The following CEP112 variants were observed in gnomAD, a reference collection of about 807,000 sequenced individuals.
The protein encoded by CEP112 is centrosomal protein 112.
CEP112 carries 127 observed loss-of-function variants against 153.0 expected under a neutral mutation model. That is an observed-to-expected ratio of 0.83 (90% CI 0.72 to 0.96). The LOEUF is 0.96. Among genes scored for constraint, CEP112 ranks in the 40% least tolerant of loss-of-function variants. The pLI is 0.00. For synonymous variants in CEP112, 358 were observed against 374.4 expected (o/e 0.96, Z 0.51); for missense variants, 1,089 against 1,101.2 (o/e 0.99, Z 0.16).
intron 23 of CEP112, among the ~76,000 whole-genome samples, chr17:65,700,111 C>T (rs1039464012): frequency 1.3e-5 from 2 of 151,932 alleles, no homozygotes; most frequent in Non-Finnish European, 2.9e-5. Flanking sequence ...TCCTCCTCCT[C>T]CTCCTCCTCC....
intron 21 of CEP112, among the ~76,000 whole-genome samples, chr17:65,850,194 C>T (rs1213137467): frequency 2.0e-5 from 3 of 150,232 alleles, no homozygotes; most frequent in East Asian, 2.0e-4. Context: ...TTCCCTAATT[C>T]CTGAACTGTA....
intron 21 of CEP112, among the ~76,000 whole-genome samples, chr17:65,790,068 T>C (rs1469955993): frequency 6.6e-6 from 1 of 152,182 alleles, no homozygotes; most frequent in Non-Finnish European, 1.5e-5. Flanking sequence ...TAGAAGAAGC[T>C]GGCAGCTTAA....
intron 20 of CEP112, among the ~76,000 whole-genome samples, chr17:65,889,950 T>C (rs554435286): frequency 1.2e-4 from 18 of 152,264 alleles, no homozygotes; most frequent in South Asian, 2.1e-4. Context: ...TGACTTTCGA[T>C]TGTTGACAGT....
intron 23 of CEP112, among the ~76,000 whole-genome samples, chr17:65,719,310 C>T (rs2049733395): frequency 6.6e-6 from 1 of 152,218 alleles, no homozygotes. Context: ...CGCAGGGGCT[C>T]ATGCCTGTAA....
intron 21 of CEP112, among the ~76,000 whole-genome samples, chr17:65,831,475 A>T (rs1234784343): frequency 6.6e-6 from 1 of 151,808 alleles, no homozygotes; most frequent in African/African-American, 2.4e-5. Context: ...GAGAATGGTC[A>T]GAACCCAGGA....
At chr17:65,825,874 C>G (rs1465972504) in intron 21 of CEP112, among the ~76,000 whole-genome samples, 2 of 152,152 alleles carry the variant, frequency 1.3e-5, no homozygotes, top group Non-Finnish European at 2.9e-5. Context: ...CACAATCTAC[C>G]TCTTCCAGAA....
intron 23 of CEP112, among the ~76,000 whole-genome samples, chr17:65,734,254 A>C (rs1184711798): frequency 6.6e-6 from 1 of 152,230 alleles, no homozygotes; most frequent in Non-Finnish European, 1.5e-5. Context: ...ATACTTTACA[A>C]AGAACTCATG....
intron 4 of CEP112, among the ~76,000 whole-genome samples, chr17:66,162,706 A>G (rs73992256): frequency 0.011 from 1,620 of 152,284 alleles, 30 homozygotes; most frequent in African/African-American, 0.036. Flanking sequence ...AAACGAATCT[A>G]TGGTAACATA....
intron 21 of CEP112, among the ~76,000 whole-genome samples, chr17:65,838,185 G>A (rs2057393592): frequency 6.6e-6 from 1 of 152,096 alleles, no homozygotes; most frequent in African/African-American, 2.4e-5. Flanking sequence ...CCACCCAACT[G>A]CTGCAGACAT....
At chr17:66,007,335 AAG>A (rs960274329) in intron 16 of CEP112, among the ~76,000 whole-genome samples, 8 of 152,174 alleles carry the variant, frequency 5.3e-5, no homozygotes, top group African/African-American at 1.9e-4. Context: ...TCTTATGAGA[AAG>A]AGAAAGAACA....
chr17:65,713,555 T>TATTATTCC (rs1476883301), intron 23 of CEP112, among the ~76,000 whole-genome samples: 1 of 152,150 alleles, frequency 6.6e-6, no homozygotes, highest in Non-Finnish European at 1.5e-5. Flanking sequence ...CTTTAACAGC[T>TATTATTCC]ATTATTCCCT....
rs75621289 is a variant in CEP112 at position 66,019,275 on chromosome 17, C to T, written c.1656+8226G>A. Among the ~76,000 whole-genome samples the T allele has an allele frequency of 7.7e-3, 1,136 of 147,986 alleles. 13 individuals carry two copies. The highest frequency in any genetic ancestry group is 0.027 in the African/African-American group (1,072 of 40,054). Reference sequence around the variant, plus strand: ...AGATATTTAGAACTAAGTTTTATACCAAAAGTTATTGAATGTGCACACCTG... The same window carrying T: ...AGATATTTAGAACTAAGTTTTATACTAAAAGTTATTGAATGTGCACACCTG... On this transcript the variant is annotated intron_variant, in intron 16 of 26. Coordinates refer to ENST00000535342, the MANE Select transcript of CEP112 (RefSeq NM_001199165.4).
chr17:65,670,438 T>C (rs1229664798), intron 24 of CEP112, among the ~76,000 whole-genome samples: 2 of 151,624 alleles, frequency 1.3e-5, no homozygotes, highest in South Asian at 2.1e-4. Flanking sequence ...TATACACAAA[T>C]GCAAACACAT....
At chr17:65,762,177 T>C (rs1330355717) in intron 21 of CEP112, among the ~76,000 whole-genome samples, 1 of 152,112 alleles carries the variant, frequency 6.6e-6, no homozygotes, top group Non-Finnish European at 1.5e-5. Context: ...TTTATCATTA[T>C]GTAATGGCTA....
chr17:65,931,960 A>C, intron 18 of CEP112, among the ~76,000 whole-genome samples: 1 of 152,140 alleles, frequency 6.6e-6, no homozygotes, highest in Non-Finnish European at 1.5e-5. Context: ...ACAGCATTGG[A>C]GTCTGACCTT....
intron 24 of CEP112, among the ~76,000 whole-genome samples, chr17:65,648,415 C>T (rs1598186835): frequency 6.6e-6 from 1 of 152,202 alleles, no homozygotes; most frequent in Admixed American, 6.5e-5. Flanking sequence ...AGGGCTGTGC[C>T]CTGCTCCATG....
At chr17:65,745,671 A>T (rs1359995739) in intron 22 of CEP112, among the ~76,000 whole-genome samples, 1 of 152,130 alleles carries the variant, frequency 6.6e-6, no homozygotes, top group Non-Finnish European at 1.5e-5. Context: ...AGAATGACAG[A>T]GAGAGGGTGC....
At position 65,681,521 on chromosome 17, in the gene CEP112, C is replaced by T. The variant is rs1421029; in HGVS notation, c.2697+7608G>A. Among the ~76,000 whole-genome samples, 4,207 of 150,096 alleles carry T rather than the reference C, an allele frequency of 0.028. 319 individuals carry two copies. The East Asian group carries it at 0.32, about 11-fold the overall frequency. On this transcript the variant is annotated intron_variant, in intron 24 of 26. Coordinates refer to ENST00000535342, the MANE Select transcript of CEP112 (RefSeq NM_001199165.4). ...CATTTAAATGCCTCCAAATGAATGTCCTCCTGCTAGCATCTAGGATGCAAC... is the reference window on the plus strand; with the variant it reads ...CATTTAAATGCCTCCAAATGAATGTTCTCCTGCTAGCATCTAGGATGCAAC...
chr17:65,712,629 C>T (rs773158022), intron 23 of CEP112, among the ~76,000 whole-genome samples: 1 of 152,164 alleles, frequency 6.6e-6, no homozygotes, highest in Non-Finnish European at 1.5e-5. Context: ...TTCTGCTGTG[C>T]TGTGGGGCTT....
Sources: gnomAD v4.1 joint callset for allele counts (sites outside exome capture counted in the v4.1 genomes callset) on GRCh38, gnomAD v4.1.1 for gene constraint, MANE v1.5 for transcripts, NCBI Gene and HGNC (gene_info 2026-07-23, HGNC 2026-07-21) for gene names.